The following NPAS3 variants were observed in gnomAD, a reference collection of about 807,000 sequenced individuals.
NPAS3 encodes neuronal PAS domain protein 3.
In NPAS3, 14 loss-of-function variants were observed where a neutral mutation model predicts 73.1. The observed-to-expected ratio is 0.19, with a 90% CI of 0.13 to 0.30. The LOEUF is 0.30. NPAS3 is among the 10% of genes least tolerant of loss of function. The probability of loss-of-function intolerance (pLI) is 1.00; values close to 1 mark genes in which losing one functional copy is unlikely to be tolerated. For synonymous variants in NPAS3, 620 were observed against 541.5 expected (o/e 1.14, Z -2.01); for missense variants, 1,096 against 1,250.0 (o/e 0.88, Z 1.86).
chr14:33,673,781 G>A (rs2059677379), intron 5 of NPAS3, among the ~76,000 whole-genome samples: 1 of 152,198 alleles, frequency 6.6e-6, no homozygotes, highest in Non-Finnish European at 1.5e-5. Flanking sequence ...CAGCAATGCT[G>A]CCACTTTTAG....
At chr14:33,728,703 G>T (rs1355871260) in intron 6 of NPAS3, among the ~76,000 whole-genome samples, 1 of 152,192 alleles carries the variant, frequency 6.6e-6, no homozygotes, top group African/African-American at 2.4e-5. Flanking sequence ...TAGAAGACAG[G>T]CCAGTGGGAT....
At chr14:32,944,852 A>G (rs2036186879) in intron 1 of NPAS3, among the ~76,000 whole-genome samples, 1 of 152,234 alleles carries the variant, frequency 6.6e-6, no homozygotes, top group African/African-American at 2.4e-5. Flanking sequence ...AATTAATTGA[A>G]ATACTGTGGT....
At chr14:32,994,172 T>A (rs958974875) in intron 1 of NPAS3, among the ~76,000 whole-genome samples, 1 of 152,188 alleles carries the variant, frequency 6.6e-6, no homozygotes, top group African/African-American at 2.4e-5. Context: ...TTTGTTACTT[T>A]GTTTGAAATA....
chr14:33,294,351 T>A (rs1306573805), intron 3 of NPAS3, among the ~76,000 whole-genome samples: 1 of 152,218 alleles, frequency 6.6e-6, no homozygotes, highest in East Asian at 1.9e-4. Flanking sequence ...GGCCTCATTT[T>A]TTTGACCTAA....
rs1037106411 is a variant in NPAS3 at position 33,456,580 on chromosome 14, A to G, written c.468+89312A>G. 2.0e-5 allele frequency among the ~76,000 whole-genome samples: 3 copies of G among 152,358 alleles called. No homozygotes were observed. In the South Asian group the frequency reaches 6.2e-4, roughly 32 times the overall value. On this transcript the variant is annotated intron_variant, in intron 4 of 11. Coordinates refer to ENST00000356141, the Ensembl canonical transcript of NPAS3. ...GAAGTACATCCCCCTTCTGATTAAAATAGTTTTTAAGAGCTAGTGTTGTTG... is the reference window on the plus strand; with the variant it reads ...GAAGTACATCCCCCTTCTGATTAAAGTAGTTTTTAAGAGCTAGTGTTGTTG...
At chr14:33,026,229 A>T (rs112026225) in intron 1 of NPAS3, among the ~76,000 whole-genome samples, 5 of 152,230 alleles carry the variant, frequency 3.3e-5, no homozygotes, top group African/African-American at 1.2e-4. Context: ...CCCCAATTCA[A>T]CTGTCAGGTC....
intron 4 of NPAS3, among the ~76,000 whole-genome samples, chr14:33,437,614 A>G (rs1039861521): frequency 1.3e-5 from 2 of 152,330 alleles, no homozygotes; most frequent in Admixed American, 6.5e-5. Flanking sequence ...TTTTGAGAGG[A>G]CAACCACTTC....
chr14:33,257,886 G>A (rs924108095), intron 3 of NPAS3, among the ~76,000 whole-genome samples: 9 of 152,150 alleles, frequency 5.9e-5, no homozygotes, highest in Admixed American at 4.6e-4. Flanking sequence ...TAATCATAAA[G>A]TAATCATTTT....
At chr14:33,225,308 G>A (rs1210728535) in intron 3 of NPAS3, among the ~76,000 whole-genome samples, 1 of 152,212 alleles carries the variant, frequency 6.6e-6, no homozygotes, top group African/African-American at 2.4e-5. Flanking sequence ...TCATACATGA[G>A]CACAGGTGCT....
At chr14:33,072,713 G>T (rs1160915137) in intron 2 of NPAS3, among the ~76,000 whole-genome samples, 1 of 152,204 alleles carries the variant, frequency 6.6e-6, no homozygotes, top group Non-Finnish European at 1.5e-5. Context: ...GGGTCAGGGT[G>T]GAACTGGCAG....
At chr14:33,187,063 A>G (rs1180120774) in intron 2 of NPAS3, among the ~76,000 whole-genome samples, 1 of 152,192 alleles carries the variant, frequency 6.6e-6, no homozygotes, top group Non-Finnish European at 1.5e-5. Flanking sequence ...CTGAATTACC[A>G]CAACACCCTT....
At chr14:33,235,735 G>C (rs2048009075) in intron 3 of NPAS3, among the ~76,000 whole-genome samples, 1 of 146,906 alleles carries the variant, frequency 6.8e-6, no homozygotes, top group Non-Finnish European at 1.5e-5. Context: ...CAGAGACACA[G>C]AACCAAATGA....
intron 2 of NPAS3, among the ~76,000 whole-genome samples, chr14:33,119,641 C>G (rs2043170606): frequency 6.6e-6 from 1 of 152,112 alleles, no homozygotes; most frequent in Non-Finnish European, 1.5e-5. Flanking sequence ...AATTACCTCA[C>G]ACCATCTGTG....
At chr14:32,971,233 C>A (rs936508062) in intron 1 of NPAS3, among the ~76,000 whole-genome samples, 2 of 151,672 alleles carry the variant, frequency 1.3e-5, no homozygotes, top group Non-Finnish European at 2.9e-5. Context: ...TACAGGCATG[C>A]GCCACCATGC....
intron 5 of NPAS3, among the ~76,000 whole-genome samples, chr14:33,614,466 A>G (rs2057851508): frequency 6.6e-6 from 1 of 152,172 alleles, no homozygotes; most frequent in Non-Finnish European, 1.5e-5. Flanking sequence ...TGACATGGAG[A>G]GAAGAAAGAG....
intron 6 of NPAS3, among the ~76,000 whole-genome samples, chr14:33,687,284 T>G (rs1197965048): frequency 6.6e-6 from 1 of 152,194 alleles, no homozygotes; most frequent in Admixed American, 6.5e-5. Flanking sequence ...CATATGCTAT[T>G]GATCATGAGC....
At chr14:33,215,506 C>T in intron 3 of NPAS3, 80 bp downstream of exon 3, 1 of 1,476,118 alleles carries the variant, frequency 6.8e-7, no homozygotes, top group Non-Finnish European at 9.5e-7. Flanking sequence ...ATCATCCTTT[C>T]TTCTTTTCCT....
intron 4 of NPAS3, among the ~76,000 whole-genome samples, chr14:33,370,299 C>T (rs1438917293): frequency 6.6e-6 from 1 of 152,110 alleles, no homozygotes; most frequent in Non-Finnish European, 1.5e-5. Context: ...CCAAAGAAGA[C>T]TTTTCAAAGT....
intron 2 of NPAS3, among the ~76,000 whole-genome samples, chr14:33,058,284 TACAATTTTAA>T (rs1227941411): frequency 6.6e-6 from 1 of 152,180 alleles, no homozygotes; most frequent in Non-Finnish European, 1.5e-5. Context: ...ATGGAGTCAG[TACAATTTTAA>T]AAACATTTCT....
Sources: gnomAD v4.1 joint callset for allele counts (sites outside exome capture counted in the v4.1 genomes callset) on GRCh38, gnomAD v4.1.1 for gene constraint, MANE v1.5 for transcripts, NCBI Gene and HGNC (gene_info 2026-07-23, HGNC 2026-07-21) for gene names.